The following KIAA0319L variants were observed in gnomAD, a reference collection of about 807,000 sequenced individuals.
The protein encoded by KIAA0319L is KIAA0319 like, also known as dyslexia-associated protein KIAA0319-like protein.
KIAA0319L carries 55 observed loss-of-function variants against 120.1 expected under a neutral mutation model. That is an observed-to-expected ratio of 0.46 (90% CI 0.37 to 0.57). The LOEUF (loss-of-function observed/expected upper bound fraction) is 0.57. KIAA0319L is among the 20% of genes least tolerant of loss of function. KIAA0319L has a pLI of 0.00. For synonymous variants in KIAA0319L, 398 were observed against 471.9 expected (o/e 0.84, Z 2.03); for missense variants, 1,049 against 1,255.3 (o/e 0.84, Z 2.48).
intron 17 of KIAA0319L, 50 bp from the exon 18 acceptor site, chr1:35,443,078 G>T: frequency 6.2e-7 from 1 of 1,612,306 alleles, no homozygotes; most frequent in South Asian, 1.1e-5. Context: ...AGCCAGGGGT[G>T]ACAAGCAGCA....
chr1:35,507,208 A>T, intron 2 of KIAA0319L, 73 bp from the exon 3 acceptor site: 1 of 1,420,358 alleles, frequency 7.0e-7, no homozygotes, highest in Non-Finnish European at 9.4e-7. Flanking sequence ...GAGCCCTGAG[A>T]ACCAACATTT....
chr1:35,492,492 T>C (rs1644634862), intron 3 of KIAA0319L, among the ~76,000 whole-genome samples: 1 of 151,838 alleles, frequency 6.6e-6, no homozygotes, highest in African/African-American at 2.4e-5. Flanking sequence ...CCAGCCTGGG[T>C]GACAGAGCAA....
chr1:35,515,651 G>C (rs1436530415), intron 2 of KIAA0319L, among the ~76,000 whole-genome samples: 5 of 151,924 alleles, frequency 3.3e-5, no homozygotes. Context: ...AACTGAAAGA[G>C]AAGCAAGAAC....
intron 2 of KIAA0319L, among the ~76,000 whole-genome samples, chr1:35,509,263 A>G (rs1380009683): frequency 6.6e-6 from 1 of 152,204 alleles, no homozygotes; most frequent in African/African-American, 2.4e-5. Flanking sequence ...AACAGTAGTC[A>G]CCTTCAGTTT....
At chr1:35,507,254 G>A in intron 2 of KIAA0319L, 119 bp from the exon 3 acceptor site, 1 of 960,410 alleles carries the variant, frequency 1.0e-6, no homozygotes, top group Non-Finnish European at 1.5e-6. Flanking sequence ...AAGAGGGTGA[G>A]AAAGCCATCT....
chr1:35,440,635 G>C (rs904128930), intron 20 of KIAA0319L: 12 of 180,648 alleles, frequency 6.6e-5, no homozygotes, highest in Admixed American at 1.7e-4. Context: ...GGAGAACAAG[G>C]CTGGCTGAAA....
At chr1:35,460,616 G>A (rs1314765535) in intron 8 of KIAA0319L, among the ~76,000 whole-genome samples, 179 bp from the exon 9 acceptor site, 1 of 152,130 alleles carries the variant, frequency 6.6e-6, no homozygotes, top group Non-Finnish European at 1.5e-5. Context: ...GCCTCTCTAT[G>A]TATATTCTAC....
chr1:35,513,175 T>C (rs2148420137), intron 2 of KIAA0319L, among the ~76,000 whole-genome samples: 1 of 149,932 alleles, frequency 6.7e-6, no homozygotes, highest in South Asian at 2.1e-4. Flanking sequence ...ATTCACTATT[T>C]ACTACTGAGT....
At chr1:35,539,767 A>C (rs1050694255) in intron 2 of KIAA0319L, among the ~76,000 whole-genome samples, 5 of 152,192 alleles carry the variant, frequency 3.3e-5, no homozygotes, top group Non-Finnish European at 5.9e-5. Flanking sequence ...GGTTGCCCTC[A>C]GTTAAGGACA....
chr1:35,514,244 A>G (rs550967065), intron 2 of KIAA0319L, among the ~76,000 whole-genome samples: 2 of 152,180 alleles, frequency 1.3e-5, no homozygotes, highest in African/African-American at 2.4e-5. Flanking sequence ...AAGTGCACAC[A>G]TAGTCGGGCT....
chr1:35,488,666 G>C (rs536740422), intron 3 of KIAA0319L, among the ~76,000 whole-genome samples: 1 of 152,272 alleles, frequency 6.6e-6, no homozygotes, highest in Non-Finnish European at 1.5e-5. Context: ...CTGATAAAAG[G>C]ACCAACAAAA....
intron 3 of KIAA0319L, among the ~76,000 whole-genome samples, chr1:35,490,731 G>C (rs1468805275): frequency 6.6e-6 from 1 of 152,072 alleles, no homozygotes; most frequent in Non-Finnish European, 1.5e-5. Flanking sequence ...GATATGTTTT[G>C]GCTCTGTGTC....
At chr1:35,510,343 A>G (rs1645379032) in intron 2 of KIAA0319L, 1 of 152,076 alleles carries the variant, frequency 6.6e-6, no homozygotes, top group Admixed American at 6.6e-5. Flanking sequence ...AAATACCAAT[A>G]AACGTGAAAA....
intron 2 of KIAA0319L, among the ~76,000 whole-genome samples, chr1:35,525,667 C>A (rs1270451438): frequency 2.6e-5 from 4 of 152,082 alleles, no homozygotes; most frequent in Admixed American, 6.6e-5. Context: ...ATCCTTTGCC[C>A]ACTTTTTAAT....
Position 35,456,078 on chromosome 1 carries a change from G to T in KIAA0319L, c.1591C>A (p.His531Asn), listed in dbSNP as rs147184109. 4 of 1,614,114 alleles carry T rather than the reference G, an allele frequency of 2.5e-6. No individual in the cohort carries two copies. The highest frequency in any genetic ancestry group is 3.4e-6 in the Non-Finnish European group (4 of 1,180,014). ...GACCACTCATAGCTGGTGATGCCAT[G>T]ATCATCAGTGCTCTGGTTCCCAAAG... ...TLFGNQSTDDHGITSYEWSLS... is the reference protein window; with the variant it reads ...TLFGNQSTDDNGITSYEWSLS... The change falls in exon 10 of 21, where the codon CAT (histidine) becomes AAT (asparagine). Residue 531 changes from histidine to asparagine, a missense_variant. By Grantham distance (68) the His-to-Asn change is moderately conservative (BLOSUM62 1). Transcript: ENST00000325722.
chr1:35,494,078 A>G (rs1012784440), intron 3 of KIAA0319L, among the ~76,000 whole-genome samples: 1 of 152,314 alleles, frequency 6.6e-6, no homozygotes, highest in East Asian at 1.9e-4. Flanking sequence ...GATAATTCTA[A>G]AATTTATAAG....
At chr1:35,555,363 C>T (rs1647820582) in intron 1 of KIAA0319L, among the ~76,000 whole-genome samples, 1 of 152,218 alleles carries the variant, frequency 6.6e-6, no homozygotes, top group South Asian at 2.1e-4. Flanking sequence ...ACCCCTAACT[C>T]CTATCCACGG....
rs1646275589 is a variant in KIAA0319L at position 35,529,380 on chromosome 1, C to T, written c.143-22245G>A. 2.0e-5 allele frequency among the ~76,000 whole-genome samples: 3 copies of T among 152,320 alleles called. No homozygotes were observed. In the South Asian group the frequency reaches 6.2e-4, roughly 32 times the overall value. On this transcript the variant is annotated intron_variant, in intron 2 of 20. Transcript: ENST00000325722. ...TGAGTGAGTCCTTACTCTTTCTCAT[C>T]TGTGTGCTTGCTCTATTAGTTAGTT...
rs765281341 is a variant in KIAA0319L at position 35,474,914 on chromosome 1, C to CA, written c.914-9dup. ...CCACCAGTTCCTTTATAACTGGAAA[C>CA]AAAGTAAATATACCAGAGATAAGAA... On this transcript the variant is annotated splice_polypyrimidine_tract_variant and intron_variant, in intron 4 of 20. Transcript: ENST00000325722. 1 of 1,454,914 alleles carries CA rather than the reference C, an allele frequency of 6.9e-7. No homozygotes were observed. Among genetic ancestry groups the CA allele is most frequent in the South Asian group, 1.2e-5 (1 of 86,900 alleles). 90.1% of individuals were successfully genotyped at this position (1,454,914 alleles called of 1,614,324 possible). A position where few individuals can be genotyped will look rare whatever the true frequency, so the allele number is the denominator to read the frequency against.
Sources: allele counts gnomAD v4.1 joint callset (sites outside exome capture counted in the v4.1 genomes callset), GRCh38; gene constraint gnomAD v4.1.1; transcripts MANE v1.5; gene names NCBI Gene and HGNC (gene_info 2026-07-23, HGNC 2026-07-21).